The following THSD7A variants were observed in gnomAD, a reference collection of about 807,000 sequenced individuals.
The protein encoded by THSD7A is thrombospondin type 1 domain containing 7A.
In THSD7A, 96 loss-of-function variants were observed where a neutral mutation model predicts 231.3. The ratio of observed to expected loss-of-function variants is 0.41; its 90% CI spans 0.35 to 0.49. The LOEUF (loss-of-function observed/expected upper bound fraction) is 0.49, where lower values mean the gene tolerates loss of function less well. THSD7A is among the 20% of genes least tolerant of loss of function. The pLI is 0.05. For missense variants in THSD7A, 2,290 were observed against 2,070.2 expected (o/e 1.11, Z -2.06); for synonymous variants, 940 against 743.3 (o/e 1.26, Z -4.30).
rs1213409140 is a variant in THSD7A at position 11,769,136 on chromosome 7, TATATATATATATATA to T, written c.190+62606_190+62620del. ...TAATTCCTGGCAATATATATATATA[TATATATATATATATA>T]TATTTTTTTTTTTTTTTGGTATTTT... On this transcript the variant is annotated intron_variant, in intron 1 of 27. Transcript: ENST00000423059. 1.5e-4 allele frequency among the ~76,000 whole-genome samples: 8 copies of T among 52,360 alleles called. 1 individual carries two copies. The highest frequency in any genetic ancestry group is 3.7e-4 in the African/African-American group (6 of 16,322). The allele number at this position is 52,360 out of a possible 152,430, so 34.4% of individuals were successfully genotyped here.
chr7:11,508,930 G>A (rs570553386), intron 6 of THSD7A, among the ~76,000 whole-genome samples: 1 of 152,286 alleles, frequency 6.6e-6, no homozygotes, highest in East Asian at 1.9e-4. Context: ...GTAGTTGCCA[G>A]GGGCTGTAGG....
At chr7:11,723,151 A>C (rs1781418626) in intron 1 of THSD7A, among the ~76,000 whole-genome samples, 1 of 152,050 alleles carries the variant, frequency 6.6e-6, no homozygotes, top group Admixed American at 6.6e-5. Flanking sequence ...CAGCCATAAA[A>C]AATGATGAGT....
intron 11 of THSD7A, among the ~76,000 whole-genome samples, chr7:11,451,049 G>GA (rs1785127152): frequency 6.6e-6 from 1 of 151,990 alleles, no homozygotes; most frequent in Non-Finnish European, 1.5e-5. Context: ...AGCACGGGAA[G>GA]AATCAATATG....
At chr7:11,567,301 A>C (rs1286948317) in intron 4 of THSD7A, among the ~76,000 whole-genome samples, 1 of 152,086 alleles carries the variant, frequency 6.6e-6, no homozygotes. Context: ...GTGCAGAGTA[A>C]AGGGGGAAGA....
At chr7:11,641,179 G>GTA (rs1478994189) in intron 1 of THSD7A, among the ~76,000 whole-genome samples, 3 of 152,214 alleles carry the variant, frequency 2.0e-5, no homozygotes, top group Admixed American at 6.5e-5. Context: ...ACGTGTGTGT[G>GTA]TATACCTTTT....
At chr7:11,768,334 G>C (rs1361057871) in intron 1 of THSD7A, among the ~76,000 whole-genome samples, 3 of 152,164 alleles carry the variant, frequency 2.0e-5, no homozygotes, top group Non-Finnish European at 4.4e-5. Context: ...AGTTCTCCGT[G>C]TTTCAAGAGC....
At chr7:11,609,084 T>C (rs1156696613) in intron 2 of THSD7A, among the ~76,000 whole-genome samples, 3 of 151,968 alleles carry the variant, frequency 2.0e-5, no homozygotes, top group African/African-American at 7.3e-5. Flanking sequence ...GAATATCCCA[T>C]CTCACATTGC....
At chr7:11,629,129 G>A (rs1781569146) in intron 2 of THSD7A, among the ~76,000 whole-genome samples, 1 of 152,120 alleles carries the variant, frequency 6.6e-6, no homozygotes, top group Non-Finnish European at 1.5e-5. Context: ...CCCACCATCT[G>A]ATATACTGCT....
chr7:11,550,880 G>A (rs997102074), intron 4 of THSD7A, among the ~76,000 whole-genome samples: 2 of 152,028 alleles, frequency 1.3e-5, no homozygotes, highest in Admixed American at 1.3e-4. Flanking sequence ...AAAGTAGCCT[G>A]AATAGCCAAA....
chr7:11,622,158 T>C (rs1781330849), intron 2 of THSD7A, among the ~76,000 whole-genome samples: 1 of 152,098 alleles, frequency 6.6e-6, no homozygotes, highest in Non-Finnish European at 1.5e-5. Context: ...TGTCTTAACA[T>C]TTTAAAGGTA....
Position 11,446,119 on chromosome 7 carries a change from T to A in THSD7A, c.3006A>T (p.Ala1002=), listed in dbSNP as rs777412842. Residue 1002 remains alanine (A), a synonymous_variant, in exon 13 of 28, where the codon GCA becomes GCT. Coordinates refer to ENST00000423059, the MANE Select transcript of THSD7A (RefSeq NM_015204.3). This position sits in a 1 kb window ranked among gnomAD's most constrained non-coding sequence, Gnocchi z 4.0. ...TGCCATTTTGATCGTAGCATGCCAT[T>A]GCTTGGTAACGATATCCTTGTCCGC... ...KECGQGYRYQ[A]MACYDQNGRL... 1.2e-6 allele frequency: 2 copies of A among 1,613,534 alleles called. No homozygotes were observed. The highest frequency in any genetic ancestry group is 1.7e-6 in the Non-Finnish European group (2 of 1,179,622).
intron 1 of THSD7A, among the ~76,000 whole-genome samples, chr7:11,797,565 C>T (rs1784162003): frequency 6.6e-6 from 1 of 151,732 alleles, no homozygotes; most frequent in Non-Finnish European, 1.5e-5. Context: ...TACAGATGCA[C>T]ATCACCATGT....
At chr7:11,667,676 C>A (rs1783197532) in intron 1 of THSD7A, among the ~76,000 whole-genome samples, 1 of 152,032 alleles carries the variant, frequency 6.6e-6, no homozygotes, top group Admixed American at 6.6e-5. Flanking sequence ...AATGCCGATA[C>A]ATGTTAATGG....
At chr7:11,484,523 A>T (rs1786565990) in intron 6 of THSD7A, among the ~76,000 whole-genome samples, 1 of 152,056 alleles carries the variant, frequency 6.6e-6, no homozygotes, top group South Asian at 2.1e-4. Context: ...ACCACTAGAA[A>T]CTATTTTAAT....
chr7:11,389,146 C>G (rs1401852566), intron 23 of THSD7A, among the ~76,000 whole-genome samples: 1 of 152,180 alleles, frequency 6.6e-6, no homozygotes, highest in African/African-American at 2.4e-5. Context: ...GAGTTCAAGT[C>G]AAGTCCTGAA....
At chr7:11,800,078 A>C (rs1784234132) in intron 1 of THSD7A, among the ~76,000 whole-genome samples, 1 of 152,186 alleles carries the variant, frequency 6.6e-6, no homozygotes, top group Non-Finnish European at 1.5e-5. Flanking sequence ...CACTGAGATC[A>C]CAGGAAGAAG....
chr7:11,823,915 G>A (rs984365318), intron 1 of THSD7A, among the ~76,000 whole-genome samples: 4 of 151,546 alleles, frequency 2.6e-5, no homozygotes, highest in African/African-American at 9.7e-5. Context: ...CTAACTGTGC[G>A]ACGTACACCA....
chr7:11,547,909 G>A (rs1463422509), intron 4 of THSD7A, among the ~76,000 whole-genome samples: 2 of 152,036 alleles, frequency 1.3e-5, no homozygotes, highest in African/African-American at 4.8e-5. Context: ...CAAAAAATTA[G>A]AAAATTCTCA....
At chr7:11,761,629 T>G (rs930800272) in intron 1 of THSD7A, among the ~76,000 whole-genome samples, 11 of 152,266 alleles carry the variant, frequency 7.2e-5, no homozygotes, top group African/African-American at 2.2e-4. Flanking sequence ...TCATTTACCA[T>G]CTATGGTTGC....
Sources: allele counts gnomAD v4.1 joint callset (sites outside exome capture counted in the v4.1 genomes callset), GRCh38; gene constraint gnomAD v4.1.1; non-coding constraint Gnocchi (gnomAD v3.1); transcripts MANE v1.5; gene names NCBI Gene and HGNC (gene_info 2026-07-23, HGNC 2026-07-21).